Variants in UBE2D2 observed in about 807,000 individuals in gnomAD.
UBE2D2 encodes the protein ubiquitin-conjugating enzyme E2 D2.
Under a neutral mutation model 24.2 loss-of-function variants are expected in UBE2D2, and 2 were observed. The ratio of observed to expected loss-of-function variants is 0.08; its 90% CI spans 0.03 to 0.26. The LOEUF is 0.26. Ranked by LOEUF, UBE2D2 falls within the 10% of genes least tolerant of loss-of-function variation. UBE2D2 has a pLI of 1.00. For synonymous variants in UBE2D2, 58 were observed against 56.5 expected (o/e 1.03, Z -0.12); for missense variants, 44 against 177.6 (o/e 0.25, Z 4.28).
At chr5:139,585,762 AG>A (rs1359273601) in intron 1 of UBE2D2, among the ~76,000 whole-genome samples, 1 of 151,942 alleles carries the variant, frequency 6.6e-6, no homozygotes, top group Non-Finnish European at 1.5e-5. Flanking sequence ...TAAACATTAA[AG>A]GGGTAGAGAA....
At chr5:139,610,058 G>T (rs930350595) in intron 2 of UBE2D2, among the ~76,000 whole-genome samples, 2 of 151,942 alleles carry the variant, frequency 1.3e-5, no homozygotes, top group Non-Finnish European at 2.9e-5. Context: ...GGTGTGAGCC[G>T]CTGCGCCTGG....
chr5:139,528,150 C>T (rs909217137), intron 1 of UBE2D2, among the ~76,000 whole-genome samples: 3 of 152,186 alleles, frequency 2.0e-5, no homozygotes, highest in Non-Finnish European at 4.4e-5. Flanking sequence ...TCCTTGGAGA[C>T]CTGAAGGGAT....
chr5:139,624,526 G>A (rs984472730), intron 6 of UBE2D2, among the ~76,000 whole-genome samples: 32 of 152,224 alleles, frequency 2.1e-4, no homozygotes, highest in Non-Finnish European at 3.4e-4. Flanking sequence ...AGTGGCTCAC[G>A]CCTGTAACCC....
At chr5:139,558,005 T>C (rs1044659601), upstream of UBE2D2, among the ~76,000 whole-genome samples, 5 of 151,618 alleles carry the variant, frequency 3.3e-5, no homozygotes, top group African/African-American at 1.2e-4. Context: ...CGGGCTGAAG[T>C]GGGAAGATCA....
intron 1 of UBE2D2, among the ~76,000 whole-genome samples, chr5:139,582,667 T>A (rs1192405317): frequency 1.1e-4 from 6 of 53,212 alleles, no homozygotes; most frequent in African/African-American, 9.5e-4. Flanking sequence ...TAGATTCGAA[T>A]TTTTTTTTTT....
At chr5:139,591,696 A>T (rs1008943556) in intron 1 of UBE2D2, among the ~76,000 whole-genome samples, 4 of 152,206 alleles carry the variant, frequency 2.6e-5, no homozygotes, top group Non-Finnish European at 5.9e-5. Flanking sequence ...ATGTAAGTTA[A>T]TGAGTTACTA....
intron 1 of UBE2D2, among the ~76,000 whole-genome samples, chr5:139,597,719 G>T (rs955482583): frequency 1.3e-5 from 2 of 152,174 alleles, no homozygotes; most frequent in African/African-American, 4.8e-5. Context: ...ATAAAGCCAG[G>T]TGTTCTTAGT....
intron 1 of UBE2D2, among the ~76,000 whole-genome samples, chr5:139,549,809 G>A (rs1480812665): frequency 6.6e-6 from 1 of 152,252 alleles, no homozygotes; most frequent in Admixed American, 6.5e-5. Flanking sequence ...GGGCTCCTGA[G>A]TTGGGTGGGG....
At chr5:139,577,862 T>C (rs1299278545) in intron 1 of UBE2D2, among the ~76,000 whole-genome samples, 1 of 152,218 alleles carries the variant, frequency 6.6e-6, no homozygotes, top group Non-Finnish European at 1.5e-5. Context: ...GTGTGATTAG[T>C]GTTACAGAAG....
At chr5:139,573,030 G>A (rs1430928646) in intron 1 of UBE2D2, among the ~76,000 whole-genome samples, 2 of 151,884 alleles carry the variant, frequency 1.3e-5, no homozygotes, top group African/African-American at 2.4e-5. Flanking sequence ...GGCTGGGCGC[G>A]GTGGCTCATG....
intron 1 of UBE2D2, among the ~76,000 whole-genome samples, chr5:139,592,418 C>A (rs943744303): frequency 1.3e-5 from 2 of 151,902 alleles, no homozygotes; most frequent in Admixed American, 6.6e-5. Flanking sequence ...ATTATAATTC[C>A]TTGAGGCCTT....
intron 2 of UBE2D2, among the ~76,000 whole-genome samples, chr5:139,611,486 C>T (rs1361063723): frequency 1.3e-5 from 2 of 152,006 alleles, no homozygotes; most frequent in Non-Finnish European, 2.9e-5. Context: ...CCACACCCAG[C>T]GACAAGTTTT....
intron 1 of UBE2D2, among the ~76,000 whole-genome samples, chr5:139,550,804 A>G (rs187785856): frequency 2.3e-4 from 35 of 152,212 alleles, no homozygotes; most frequent in Non-Finnish European, 4.4e-4. Context: ...TGAGACCACA[A>G]ATCCACCAGA....
At chr5:139,540,439 G>A (rs554027896) in intron 1 of UBE2D2, among the ~76,000 whole-genome samples, 78 of 151,304 alleles carry the variant, frequency 5.2e-4, no homozygotes, top group Admixed American at 4.6e-4. Flanking sequence ...TCAGCTACTC[G>A]GGAGGCTGAG....
At chr5:139,537,507 G>A (rs971953358) in intron 1 of UBE2D2, among the ~76,000 whole-genome samples, 2 of 151,750 alleles carry the variant, frequency 1.3e-5, no homozygotes, top group Non-Finnish European at 2.9e-5. Flanking sequence ...AGACAGTCTC[G>A]CTCTGTCACC....
intron 1 of UBE2D2, among the ~76,000 whole-genome samples, chr5:139,532,804 A>T (rs1752612869): frequency 6.6e-6 from 1 of 151,726 alleles, no homozygotes; most frequent in Non-Finnish European, 1.5e-5. Flanking sequence ...ACTATTTTTA[A>T]TGTGCTAAAA....
intron 2 of UBE2D2, among the ~76,000 whole-genome samples, chr5:139,614,061 CAAAAAA>C (rs34610126): frequency 1.1e-5 from 1 of 89,222 alleles, no homozygotes. Flanking sequence ...GACTCTGTCT[CAAAAAA>C]AAAAAAAAAA....
chr5:139,565,426 G>T (rs901853466), intron 1 of UBE2D2, among the ~76,000 whole-genome samples: 1 of 151,876 alleles, frequency 6.6e-6, no homozygotes, highest in Non-Finnish European at 1.5e-5. Flanking sequence ...GGGATTGTTG[G>T]TATCTACACC....
At chr5:139,613,986 C>T (rs755943869) in intron 2 of UBE2D2, among the ~76,000 whole-genome samples, 6 of 150,120 alleles carry the variant, frequency 4.0e-5, no homozygotes, top group East Asian at 2.0e-4. Flanking sequence ...TGCTTGAACC[C>T]GGGAGGCGGG....
Sources: gnomAD v4.1 joint callset for allele counts (sites outside exome capture counted in the v4.1 genomes callset) on GRCh38, gnomAD v4.1.1 for gene constraint, MANE v1.5 for transcripts, NCBI Gene and HGNC (gene_info 2026-07-23, HGNC 2026-07-21) for gene names.